The following RANBP3 variants were observed in gnomAD, a reference collection of about 807,000 sequenced individuals.
RANBP3 encodes the protein ran-binding protein 3.
Under a neutral mutation model 77.3 loss-of-function variants are expected in RANBP3, and 14 were observed. That is an observed-to-expected ratio of 0.18 (90% confidence interval 0.12 to 0.28). The LOEUF (loss-of-function observed/expected upper bound fraction) is 0.28, where lower values mean the gene tolerates loss of function less well. Among genes scored for constraint, RANBP3 ranks in the 10% least tolerant of loss-of-function variants. The probability of loss-of-function intolerance (pLI) is 1.00; values close to 1 mark genes in which losing one functional copy is unlikely to be tolerated. For missense variants in RANBP3, 586 were observed against 752.3 expected, an observed-to-expected ratio of 0.78 and a Z score of 2.59; for synonymous variants, 315 against 312.4, an observed-to-expected ratio of 1.01 and a Z score of -0.09.
At chr19:5,962,201 C>T (rs191698780) in intron 1 of RANBP3, among the ~76,000 whole-genome samples, 30 of 152,274 alleles carry the variant, frequency 2.0e-4, no homozygotes, top group African/African-American at 6.7e-4. Flanking sequence ...CCAGCTGCTA[C>T]GTACTCACAA....
chr19:5,948,164 T>C (rs907512269), intron 3 of RANBP3, among the ~76,000 whole-genome samples: 7 of 152,110 alleles, frequency 4.6e-5, no homozygotes, highest in Non-Finnish European at 8.8e-5. Flanking sequence ...AAATTCCCTC[T>C]AGATGGCTGG....
chr19:5,955,458 T>C (rs1308546317), intron 2 of RANBP3, among the ~76,000 whole-genome samples: 3 of 152,206 alleles, frequency 2.0e-5, no homozygotes, highest in African/African-American at 7.2e-5. Context: ...AACTCCAACA[T>C]GTTTATGTAA....
At chr19:5,949,163 G>T (rs1292049084) in intron 3 of RANBP3, among the ~76,000 whole-genome samples, 1 of 152,142 alleles carries the variant, frequency 6.6e-6, no homozygotes, top group Admixed American at 6.5e-5. Context: ...AGACCTGCCG[G>T]GTAACATGGG....
rs1404622991 is a variant in RANBP3, at chr19:5,952,449, T to C, written c.79-853A>G. ...TCCTGGGACTCCAGCAGGGCTTCCA[T>C]GGGCTGAGAGCTCTGTGGCCGTAAC... On this transcript the variant is annotated intron_variant, in intron 2 of 16. Transcript: ENST00000340578. This position sits in a 1 kb window ranked among gnomAD's most constrained non-coding sequence, Gnocchi z 4.1. Among the ~76,000 whole-genome samples, 1 of 152,214 alleles carries C rather than the reference T, an allele frequency of 6.6e-6. No individual in the cohort carries two copies. The highest frequency in any genetic ancestry group is 6.5e-5 in the Admixed American group (1 of 15,286).
chr19:5,937,277 G>A (rs866422759), intron 5 of RANBP3, among the ~76,000 whole-genome samples: 10 of 152,088 alleles, frequency 6.6e-5, no homozygotes, highest in African/African-American at 2.4e-4. Context: ...CACCCTGATC[G>A]AGGAGCACGG....
Position 5,948,452 on chromosome 19 carries a change from C to CA in RANBP3, c.282+2940dup, listed in dbSNP as rs113674051. The stretch of plus-strand genomic sequence containing the variant: ...TGGGCGACAGAGCGAGACTCCATGT[C>CA]AAAAAAAAAAAAAAAAGATAAATTC... On this transcript the variant is annotated intron_variant, in intron 3 of 16. Transcript: ENST00000340578. 6.5e-3 allele frequency among the ~76,000 whole-genome samples: 706 copies of CA among 108,568 alleles called. 5 individuals are homozygous for CA. The highest frequency in any genetic ancestry group is 0.015 in the African/African-American group (425 of 28,670). The allele number at this position is 108,568 out of a possible 152,430, so 71.2% of individuals were successfully genotyped here.
intron 12 of RANBP3, 143 bp from the exon 13 acceptor site, chr19:5,923,446 T>G (rs1421319636): frequency 5.4e-6 from 4 of 737,660 alleles, no homozygotes; most frequent in African/African-American, 5.2e-5. Context: ...GCAACCCAAG[T>G]GGACCCTAGA....
intron 1 of RANBP3, chr19:5,976,471 T>G (rs1599814300): frequency 1.3e-5 from 2 of 152,022 alleles, no homozygotes. Context: ...AGCAGCCGGG[T>G]GCGGTGGCTC....
chr19:5,929,158 G>A (rs2057953611), intron 8 of RANBP3, among the ~76,000 whole-genome samples: 1 of 152,254 alleles, frequency 6.6e-6, no homozygotes, highest in African/African-American at 2.4e-5. Flanking sequence ...TGTGAAGGAA[G>A]TGAAAAGTGT....
At chr19:5,935,961 C>T (rs1374768082) in intron 5 of RANBP3, 1 of 353,498 alleles carries the variant, frequency 2.8e-6, no homozygotes, top group East Asian at 7.5e-5. Context: ...GCGCATCACT[C>T]CAGAGAGGAA....
At position 5,958,033 on chromosome 19, in the gene RANBP3, C is replaced by T; in HGVS notation, c.23-60G>A. 2 of 1,424,268 alleles carry T rather than the reference C, an allele frequency of 1.4e-6. No homozygotes were observed. Among genetic ancestry groups the T allele is most frequent in the African/African-American group, 1.4e-5 (1 of 70,730 alleles). The allele number at this position is 1,424,268 out of a possible 1,614,324, so 88.2% of individuals were successfully genotyped here. A position where few individuals can be genotyped will look rare whatever the true frequency, so the allele number is the denominator to read the frequency against. On this transcript the variant is annotated intron_variant, in intron 1 of 16. Transcript: ENST00000340578. The surrounding 1 kb of genome is among the most constrained non-coding windows in gnomAD (Gnocchi z 4.4). ...CACTATATGCATACAGTAAACAAAG[C>T]TACACTTGTTTGTAATATGTTAAAC...
intron 2 of RANBP3, among the ~76,000 whole-genome samples, chr19:5,956,411 T>C (rs1269606629): frequency 1.3e-5 from 2 of 152,162 alleles, no homozygotes; most frequent in African/African-American, 4.8e-5. Flanking sequence ...GCCACGTCAT[T>C]AAGCTGTACT....
chr19:5,978,026 G>C, intron 1 of RANBP3, 35 bp downstream of exon 1: 1 of 1,607,844 alleles, frequency 6.2e-7, no homozygotes, highest in African/African-American at 1.3e-5. Context: ...CCCGTTCCCC[G>C]GCCGCCAGCC....
intron 8 of RANBP3, among the ~76,000 whole-genome samples, chr19:5,930,936 T>C (rs1354317187): frequency 6.6e-6 from 1 of 152,214 alleles, no homozygotes; most frequent in Non-Finnish European, 1.5e-5. Context: ...GATAGGAGTC[T>C]CTGAGGGGTG....
chr19:5,925,537 G>A, intron 10 of RANBP3, 97 bp downstream of exon 10: 4 of 1,060,846 alleles, frequency 3.8e-6, no homozygotes, highest in Non-Finnish European at 4.3e-6. Flanking sequence ...TTCTGGGCCT[G>A]AGTCGGGCAC....
chr19:5,962,973 C>T (rs1368621876), intron 1 of RANBP3, among the ~76,000 whole-genome samples: 1 of 152,154 alleles, frequency 6.6e-6, no homozygotes, highest in East Asian at 1.9e-4. Flanking sequence ...AATGGACAGG[C>T]GGCCAGAAGT....
At chr19:5,956,132 AAAC>A (rs964722049) in intron 2 of RANBP3, among the ~76,000 whole-genome samples, 1 of 152,118 alleles carries the variant, frequency 6.6e-6, no homozygotes, top group African/African-American at 2.4e-5. Context: ...TAAACAAATA[AAAC>A]AACAGCAAAA....
intron 5 of RANBP3, 166 bp from the exon 6 acceptor site, chr19:5,933,645 C>T (rs2058025862): frequency 1.8e-6 from 1 of 555,196 alleles, no homozygotes; most frequent in Non-Finnish European, 3.2e-6. Flanking sequence ...GATCAGCAGG[C>T]CTGGAAGGCG....
At chr19:5,926,054 C>T (rs1231608822) in intron 9 of RANBP3, among the ~76,000 whole-genome samples, 1 of 152,184 alleles carries the variant, frequency 6.6e-6, no homozygotes, top group African/African-American at 2.4e-5. Flanking sequence ...ATACCAATAA[C>T]ACAACGTTAC....
Sources: allele counts gnomAD v4.1 joint callset (sites outside exome capture counted in the v4.1 genomes callset), GRCh38; gene constraint gnomAD v4.1.1; non-coding constraint Gnocchi (gnomAD v3.1); transcripts MANE v1.5; gene names NCBI Gene and HGNC (gene_info 2026-07-23, HGNC 2026-07-21).